The following GDF11 variants were observed in gnomAD, a reference collection of about 807,000 sequenced individuals.
GDF11 encodes the protein growth differentiation factor 11, also known as growth/differentiation factor 11.
Under a neutral mutation model 34.4 loss-of-function variants are expected in GDF11, and 12 were observed. The observed-to-expected ratio is 0.35, with a 90% CI of 0.22 to 0.57. The LOEUF (loss-of-function observed/expected upper bound fraction) is 0.57. Among genes scored for constraint, GDF11 ranks in the 20% least tolerant of loss-of-function variants. GDF11 has a pLI of 0.86. For missense variants in GDF11, 346 were observed against 548.2 expected, an observed-to-expected ratio of 0.63 and a Z score of 3.68; for synonymous variants, 212 against 231.1, an observed-to-expected ratio of 0.92 and a Z score of 0.75.
At position 55,750,232 on chromosome 12, in the gene GDF11, CAA is replaced by C; in HGVS notation, c.*353_*354del. 4.3e-6 allele frequency: 1 copy of C among 234,626 alleles called. No homozygotes were observed. Among genetic ancestry groups the C allele is most frequent in the Non-Finnish European group, 8.3e-6 (1 of 120,904 alleles). The allele number at this position is 234,626 out of a possible 1,614,324, so 14.5% of individuals were successfully genotyped here. A position where few individuals can be genotyped will look rare whatever the true frequency, so the allele number is the denominator to read the frequency against. On this transcript the variant is annotated 3_prime_UTR_variant, in exon 3 of 3. Coordinates refer to ENST00000257868, the MANE Select transcript of GDF11 (RefSeq NM_005811.5). ...GCAGAAGAGACAGACGAGGCAGAGA[CAA>C]AACACTGAGAAAGAGACTGAAATGG...
rs1878241685 is a variant in GDF11 at position 55,748,869 on chromosome 12, G to A, written c.729G>A (p.Val243=). Residue 243 remains valine, a synonymous_variant, in exon 2 of 3, where the codon GTG becomes GTA. Transcript: ENST00000257868. The surrounding 1 kb of genome is among the most constrained non-coding windows in gnomAD (Gnocchi z 5.6). ...GHWQSIDFKQ[V]LHSWFRQPQS... ...GGCAGAGCATCGACTTCAAGCAAGT[G>A]CTACACAGCTGGTTCCGCCAGCCAC... The A allele has an allele frequency of 6.2e-7, 1 of 1,612,800 alleles. No individual in the cohort carries two copies. Among genetic ancestry groups the A allele is most frequent in the Non-Finnish European group, 8.5e-7 (1 of 1,179,936 alleles).
Position 55,748,884 on chromosome 12 carries a change from C to T in GDF11, c.744C>T (p.Phe248=). The change falls in exon 2 of 3, where the codon TTC becomes TTT. Residue 248 remains phenylalanine (F), a synonymous_variant. Coordinates refer to ENST00000257868, the MANE Select transcript of GDF11 (RefSeq NM_005811.5). The surrounding 1 kb of genome is among the most constrained non-coding windows in gnomAD (Gnocchi z 5.6). The part of the protein sequence containing the change: ...IDFKQVLHSW[F]RQPQSNWGIE... ...TCAAGCAAGTGCTACACAGCTGGTT[C>T]CGCCAGCCACAGAGCAACTGGGGCA... The T allele has an allele frequency of 1.2e-6, 2 of 1,611,366 alleles. No homozygotes were observed. Among genetic ancestry groups the T allele is most frequent in the Non-Finnish European group, 1.7e-6 (2 of 1,179,886 alleles).
rs934449536 is a variant in GDF11, at chr12:55,749,125, G to C, written c.843+142G>C. On this transcript the variant is annotated intron_variant, in intron 2 of 2. Coordinates refer to ENST00000257868, the MANE Select transcript of GDF11 (RefSeq NM_005811.5). The surrounding 1 kb of genome is among the most constrained non-coding windows in gnomAD (Gnocchi z 5.6). ...GGGGTCAGCAGCTGATTCTAGAGGA[G>C]GAGGTGAGGAGTGGGGTGGCAACTA... is the stretch of plus-strand genomic sequence containing the variant. The C allele has an allele frequency of 1.1e-4, 91 of 843,374 alleles. No individual in the cohort carries two copies. The highest frequency in any genetic ancestry group is 1.5e-4 in the Non-Finnish European group (86 of 558,960). 52.2% of individuals were successfully genotyped at this position (843,374 alleles called of 1,614,324 possible).
At position 55,748,730 on chromosome 12, in the gene GDF11, T is replaced by G; in HGVS notation, c.590T>G (p.Ile197Ser). Reference sequence around the variant, plus strand: ...CGCCCAGCCACAGTCTACCTGCAGATCTTGCGACTAAAACCCCTAACTGGG... The same window carrying G: ...CGCCCAGCCACAGTCTACCTGCAGAGCTTGCGACTAAAACCCCTAACTGGG... Reference protein sequence around the residue: ...VPRPATVYLQILRLKPLTGEG... With the variant: ...VPRPATVYLQSLRLKPLTGEG... The change falls in exon 2 of 3, where the codon ATC becomes AGC. Residue 197 changes from isoleucine (I) to serine (S), a missense_variant. By Grantham distance (142) the Ile-to-Ser change is moderately radical. This residue lies in a region of GDF11 where 205 missense variants were observed against 311.3 expected (regional missense o/e 0.66). Coordinates refer to ENST00000257868, the MANE Select transcript of GDF11 (RefSeq NM_005811.5). The surrounding 1 kb of genome is among the most constrained non-coding windows in gnomAD (Gnocchi z 5.6). The G allele has an allele frequency of 6.2e-7, 1 of 1,614,246 alleles. No individual in the cohort carries two copies. Among genetic ancestry groups the G allele is most frequent in the Non-Finnish European group, 8.5e-7 (1 of 1,180,046 alleles).
intron 1 of GDF11, among the ~76,000 whole-genome samples, chr12:55,746,912 G>A (rs1251059700): frequency 6.6e-6 from 1 of 152,190 alleles, no homozygotes; most frequent in Non-Finnish European, 1.5e-5. Context: ...TCAGGCACTT[G>A]CCTGTATAAT....
rs756732913 is a variant in GDF11 at position 55,748,912 on chromosome 12, G to A, written c.772G>A (p.Glu258Lys). Reference sequence around the variant, plus strand: ...CCAGCCACAGAGCAACTGGGGCATCGAGATCAACGCCTTTGATCCCAGTGG... The same window carrying A: ...CCAGCCACAGAGCAACTGGGGCATCAAGATCAACGCCTTTGATCCCAGTGG... ...FRQPQSNWGIEINAFDPSGTD... is the reference protein window; with the variant it reads ...FRQPQSNWGIKINAFDPSGTD... The change falls in exon 2 of 3, where the codon GAG becomes AAG. Residue 258 changes from glutamate to lysine, a missense_variant. Glu to Lys is a moderately conservative substitution (Grantham distance 56). Transcript: ENST00000257868. The surrounding 1 kb of genome is among the most constrained non-coding windows in gnomAD (Gnocchi z 5.6). 2.5e-5 allele frequency: 40 copies of A among 1,606,714 alleles called. No homozygotes were observed. The highest frequency in any genetic ancestry group is 3.3e-5 in the Admixed American group (2 of 59,952).
intron 1 of GDF11, among the ~76,000 whole-genome samples, chr12:55,744,441 C>T (rs1485083385): frequency 6.6e-6 from 1 of 152,182 alleles, no homozygotes; most frequent in Non-Finnish European, 1.5e-5. Context: ...GCTACTCAAA[C>T]CTTAGTGTTC....
Position 55,754,198 on chromosome 12 carries a change from C to T in GDF11, c.*4316C>T, listed in dbSNP as rs1344113540. 1 of 152,212 alleles carries T rather than the reference C, an allele frequency of 6.6e-6. No individual in the cohort carries two copies. Among genetic ancestry groups the T allele is most frequent in the Non-Finnish European group, 1.5e-5 (1 of 68,044 alleles). The allele number at this position is 152,212 out of a possible 1,614,324, so 9.4% of individuals were successfully genotyped here. The stretch of plus-strand genomic sequence containing the variant: ...GAACCATATCCACATCTACCCCTAA[C>T]TTTGGCCTGAGCTGAAAATGGGTTT... On this transcript the variant is annotated 3_prime_UTR_variant, in exon 3 of 3. Transcript: ENST00000257868.
At chr12:55,745,401 A>G (rs1262222031) in intron 1 of GDF11, among the ~76,000 whole-genome samples, 1 of 152,008 alleles carries the variant, frequency 6.6e-6, no homozygotes, top group Non-Finnish European at 1.5e-5. Flanking sequence ...CCCTGCCTTC[A>G]TGAGTTGGGC....
Position 55,755,221 on chromosome 12 carries a change from C to T in GDF11, c.*5339C>T, listed in dbSNP as rs904001798. On this transcript the variant is annotated 3_prime_UTR_variant, in exon 3 of 3. Coordinates refer to ENST00000257868, the MANE Select transcript of GDF11 (RefSeq NM_005811.5). Reference sequence around the variant, plus strand: ...TATCAGACACAGCAAGAGAACTCAGCTCAACACCAAGAAGTCCTGCCCTTA... The same window carrying T: ...TATCAGACACAGCAAGAGAACTCAGTTCAACACCAAGAAGTCCTGCCCTTA... 1 of 151,942 alleles carries T rather than the reference C, an allele frequency of 6.6e-6. No homozygotes were observed. The highest frequency in any genetic ancestry group is 2.4e-5 in the African/African-American group (1 of 41,336). 9.4% of individuals were successfully genotyped at this position (151,942 alleles called of 1,614,324 possible). A position where few individuals can be genotyped will look rare whatever the true frequency, so the allele number is the denominator to read the frequency against.
chr12:55,745,528 A>C (rs1355412296), intron 1 of GDF11, among the ~76,000 whole-genome samples: 5 of 139,916 alleles, frequency 3.6e-5, no homozygotes, highest in African/African-American at 1.3e-4. Flanking sequence ...GTCTCCGGCC[A>C]GGTATTGTAC....
rs1048961730 is a variant in GDF11 at position 55,743,433 on chromosome 12, A to G, written c.117A>G (p.Ala39=). 152 of 1,138,108 alleles carry G rather than the reference A, an allele frequency of 1.3e-4. 1 individual carries two copies. In the East Asian group the frequency reaches 4.1e-3, roughly 30 times the overall value. The allele number at this position is 1,138,108 out of a possible 1,614,324, so 70.5% of individuals were successfully genotyped here. Residue 39 remains alanine, a synonymous_variant, in exon 1 of 3, where the codon GCA becomes GCG. Coordinates refer to ENST00000257868, the MANE Select transcript of GDF11 (RefSeq NM_005811.5). ...CGGCGGCGGCGGCGGCGGCGGCGGC[A>G]GCGGCGGGGGTCGGGGGGGAGCGCT... is the stretch of plus-strand genomic sequence containing the variant. ...AAAAAAAAAA[A]AAGVGGERSS...
rs1878323045 is a variant in GDF11, at chr12:55,751,584, G to C, written c.*1702G>C. The C allele has an allele frequency of 2.0e-5, 3 of 152,196 alleles. No individual in the cohort carries two copies. Among genetic ancestry groups the C allele is most frequent in the Non-Finnish European group, 4.4e-5 (3 of 68,046 alleles). 9.4% of individuals were successfully genotyped at this position (152,196 alleles called of 1,614,324 possible). A position where few individuals can be genotyped will look rare whatever the true frequency, so the allele number is the denominator to read the frequency against. On this transcript the variant is annotated 3_prime_UTR_variant, in exon 3 of 3. Transcript: ENST00000257868. ...CCAGAGTAGTGGTGAAGAGATGTGAGGCTTAAGAGGAGTCACAGGCTTCAG... is the reference window on the plus strand; with the variant it reads ...CCAGAGTAGTGGTGAAGAGATGTGACGCTTAAGAGGAGTCACAGGCTTCAG...
rs1878441217 is a variant in GDF11 at position 55,754,513 on chromosome 12, G to A, written c.*4631G>A. The A allele has an allele frequency of 6.6e-6, 1 of 152,174 alleles. No homozygotes were observed. The allele number at this position is 152,174 out of a possible 1,614,324, so 9.4% of individuals were successfully genotyped here. The stretch of plus-strand genomic sequence containing the variant: ...TTCCTGCCAGTGAGCTGGGCTTGAG[G>A]GAGTGAATGGGACTCTTTCTGCCTT... On this transcript the variant is annotated 3_prime_UTR_variant, in exon 3 of 3. Coordinates refer to ENST00000257868, the MANE Select transcript of GDF11 (RefSeq NM_005811.5).
At chr12:55,744,827 CG>C (rs1201751654) in intron 1 of GDF11, among the ~76,000 whole-genome samples, 1 of 151,932 alleles carries the variant, frequency 6.6e-6, no homozygotes, top group Admixed American at 6.5e-5. Flanking sequence ...GAACAGAAGA[CG>C]GGGGAGACTG....
At position 55,750,709 on chromosome 12, in the gene GDF11, T is replaced by C. The variant is rs530103532; in HGVS notation, c.*827T>C. 2 of 152,296 alleles carry C rather than the reference T, an allele frequency of 1.3e-5. No homozygotes were observed. The highest frequency in any genetic ancestry group is 2.1e-4 in the South Asian group (1 of 4,822). 9.4% of individuals were successfully genotyped at this position (152,296 alleles called of 1,614,324 possible). A position where few individuals can be genotyped will look rare whatever the true frequency, so the allele number is the denominator to read the frequency against. ...CCTTTTCTGAGCCAAATGGCTTGAA[T>C]TGAAGCCAGTTGTCATGGAAATAGT... On this transcript the variant is annotated 3_prime_UTR_variant, in exon 3 of 3. Coordinates refer to ENST00000257868, the MANE Select transcript of GDF11 (RefSeq NM_005811.5).
Position 55,743,774 on chromosome 12 carries a change from C to T in GDF11, c.445+13C>T. 2.0e-6 allele frequency: 3 copies of T among 1,517,452 alleles called. No individual in the cohort carries two copies. The highest frequency in any genetic ancestry group is 2.7e-6 in the Non-Finnish European group (3 of 1,131,496). 94.0% of individuals were successfully genotyped at this position (1,517,452 alleles called of 1,614,324 possible). A position where few individuals can be genotyped will look rare whatever the true frequency, so the allele number is the denominator to read the frequency against. On this transcript the variant is annotated intron_variant, in intron 1 of 2. Transcript: ENST00000257868. ...ATGGCCCAGGAGAGTAAGTGGGCTG[C>T]GGGGCGCGAGCAGTGGGGTGCTGGC...
In GDF11 at chr12:55,750,638, C is replaced by G. The variant is rs1386837083; in HGVS notation, c.*756C>G. ...GGAATGGGAGTAAAGGGCAAGAGGGCGGACACATGAAGTTTAGTTTCTAAC... is the reference window on the plus strand; with the variant it reads ...GGAATGGGAGTAAAGGGCAAGAGGGGGGACACATGAAGTTTAGTTTCTAAC... On this transcript the variant is annotated 3_prime_UTR_variant, in exon 3 of 3. Coordinates refer to ENST00000257868, the MANE Select transcript of GDF11 (RefSeq NM_005811.5). 1 of 152,086 alleles carries G rather than the reference C, an allele frequency of 6.6e-6. No individual in the cohort carries two copies. The highest frequency in any genetic ancestry group is 1.9e-4 in the East Asian group (1 of 5,200). 9.4% of individuals were successfully genotyped at this position (152,086 alleles called of 1,614,324 possible). A position where few individuals can be genotyped will look rare whatever the true frequency, so the allele number is the denominator to read the frequency against.
chr12:55,749,776 C>A lies in GDF11; in HGVS notation c.1118C>A (p.Thr373Asn), dbSNP rs1404375406. Reference sequence around the variant, plus strand: ...AGAGGCTCTGCTGGGCCCTGTTGTACCCCCACCAAGATGTCCCCAATCAAC... The same window carrying A: ...AGAGGCTCTGCTGGGCCCTGTTGTAACCCCACCAAGATGTCCCCAATCAAC... ...NPRGSAGPCC[T>N]PTKMSPINML... Residue 373 changes from threonine (T) to asparagine (N), a missense_variant, in exon 3 of 3, where the codon ACC becomes AAC. Physicochemically the swap from Thr to Asn is moderately conservative, Grantham distance 65. Coordinates refer to ENST00000257868, the MANE Select transcript of GDF11 (RefSeq NM_005811.5). This position sits in a 1 kb window ranked among gnomAD's most constrained non-coding sequence, Gnocchi z 5.6. 1 of 1,614,080 alleles carries A rather than the reference C, an allele frequency of 6.2e-7. No homozygotes were observed. The highest frequency in any genetic ancestry group is 1.1e-5 in the South Asian group (1 of 91,070).
Sources: allele counts gnomAD v4.1 joint callset (sites outside exome capture counted in the v4.1 genomes callset), GRCh38; gene constraint gnomAD v4.1.1; regional missense constraint gnomAD v4.1.1; non-coding constraint Gnocchi (gnomAD v3.1); transcripts MANE v1.5; gene names NCBI Gene and HGNC (gene_info 2026-07-23, HGNC 2026-07-21).